The following SEZ6L variants were observed in gnomAD, a reference collection of about 807,000 sequenced individuals.
SEZ6L encodes the protein seizure related 6 homolog like, also known as seizure 6-like protein.
A neutral mutation model predicts 106.2 loss-of-function variants in SEZ6L; 37 were observed. The ratio of observed to expected loss-of-function variants is 0.35; its 90% CI spans 0.27 to 0.46. The LOEUF (loss-of-function observed/expected upper bound fraction) is 0.46, where lower values mean the gene tolerates loss of function less well. Ranked by LOEUF, SEZ6L falls within the 20% of genes least tolerant of loss-of-function variation. SEZ6L has a pLI of 1.00. For synonymous variants in SEZ6L, 541 were observed against 570.4 expected (o/e 0.95, Z 0.73); for missense variants, 1,172 against 1,332.8 (o/e 0.88, Z 1.88).
At chr22:26,224,487 T>C (rs1265444839) in intron 1 of SEZ6L, among the ~76,000 whole-genome samples, 3 of 152,132 alleles carry the variant, frequency 2.0e-5, no homozygotes, top group Non-Finnish European at 2.9e-5. Context: ...ACTCTATGTG[T>C]AATGGGAAGT....
At chr22:26,282,177 AC>A (rs1166606563) in intron 1 of SEZ6L, among the ~76,000 whole-genome samples, 2 of 152,128 alleles carry the variant, frequency 1.3e-5, no homozygotes, top group Non-Finnish European at 2.9e-5. Context: ...GCCGTGTTAC[AC>A]TCTATGTTAT....
chr22:26,255,509 T>C (rs749825630), intron 1 of SEZ6L, among the ~76,000 whole-genome samples: 8 of 152,214 alleles, frequency 5.3e-5, no homozygotes, highest in Non-Finnish European at 1.2e-4. Flanking sequence ...GTGAGGTTTG[T>C]GAGCCTGAAT....
At chr22:26,360,886 A>AAAAAAAAC (rs2083595431) in intron 12 of SEZ6L, among the ~76,000 whole-genome samples, 1 of 152,016 alleles carries the variant, frequency 6.6e-6, no homozygotes, top group Admixed American at 6.6e-5. Context: ...ACGGGCTGAA[A>AAAAAAAAC]AAAAAACAAA....
chr22:26,236,979 G>A (rs1194013605), intron 1 of SEZ6L, among the ~76,000 whole-genome samples: 1 of 151,960 alleles, frequency 6.6e-6, no homozygotes, highest in African/African-American at 2.4e-5. Context: ...TCTCTGCCTC[G>A]CTCTCAGTCT....
chr22:26,373,398 A>G, intron 13 of SEZ6L, 53 bp from the exon 14 acceptor site: 1 of 1,553,308 alleles, frequency 6.4e-7, no homozygotes, highest in Non-Finnish European at 8.7e-7. Context: ...CATTTCATGC[A>G]AACGAAGTGA....
At chr22:26,371,907 G>T (rs530906945) in intron 13 of SEZ6L, among the ~76,000 whole-genome samples, 10 of 152,286 alleles carry the variant, frequency 6.6e-5, no homozygotes, top group African/African-American at 2.4e-4. Flanking sequence ...AAGGAAATGA[G>T]AAATCACTTC....
intron 16 of SEZ6L, among the ~76,000 whole-genome samples, chr22:26,379,939 T>C (rs900095590): frequency 6.6e-6 from 1 of 152,224 alleles, no homozygotes; most frequent in Non-Finnish European, 1.5e-5. Flanking sequence ...AATCCTGGCA[T>C]TGGCTGGTTG....
intron 1 of SEZ6L, among the ~76,000 whole-genome samples, chr22:26,234,394 G>C (rs908645158): frequency 6.6e-6 from 1 of 152,268 alleles, no homozygotes; most frequent in Non-Finnish European, 1.5e-5. Context: ...CTGAAAGCCA[G>C]TGCATTCCCT....
intron 1 of SEZ6L, among the ~76,000 whole-genome samples, chr22:26,219,774 A>G (rs1036444776): frequency 1.3e-5 from 2 of 152,188 alleles, no homozygotes; most frequent in Admixed American, 6.5e-5. Context: ...CAGGGAAGGG[A>G]ACAACACACA....
chr22:26,377,670 C>T lies in SEZ6L; in HGVS notation c.2943-3C>T, dbSNP rs762667822. The T allele has an allele frequency of 3.7e-6, 6 of 1,609,390 alleles. No individual in the cohort carries two copies. The highest frequency in any genetic ancestry group is 5.1e-6 in the Non-Finnish European group (6 of 1,175,870). On this transcript the variant is annotated splice_region_variant and splice_polypyrimidine_tract_variant and intron_variant, in intron 15 of 16. Coordinates refer to ENST00000248933, the MANE Select transcript of SEZ6L (RefSeq NM_021115.5). ...TAACTTCTCTCTCCTTTCTTTCCCCCAGATGTCGCTACTATTCCAACCTCC... is the reference window on the plus strand; with the variant it reads ...TAACTTCTCTCTCCTTTCTTTCCCCTAGATGTCGCTACTATTCCAACCTCC...
At chr22:26,338,058 A>T (rs1009020634) in intron 9 of SEZ6L, among the ~76,000 whole-genome samples, 1 of 152,172 alleles carries the variant, frequency 6.6e-6, no homozygotes, top group Non-Finnish European at 1.5e-5. Context: ...TGGCCATTGG[A>T]TGAAGCTATC....
chr22:26,249,197 G>T (rs1487254222), intron 1 of SEZ6L, among the ~76,000 whole-genome samples: 1 of 152,044 alleles, frequency 6.6e-6, no homozygotes, highest in Non-Finnish European at 1.5e-5. Flanking sequence ...CACTCTTCTA[G>T]CTATTTGAAT....
At chr22:26,207,079 A>G (rs1030025875) in intron 1 of SEZ6L, among the ~76,000 whole-genome samples, 2 of 152,238 alleles carry the variant, frequency 1.3e-5, no homozygotes, top group East Asian at 1.9e-4. Flanking sequence ...AGGGGTTGGC[A>G]TATAGGGTCA....
chr22:26,266,368 G>A (rs1448262641), intron 1 of SEZ6L, among the ~76,000 whole-genome samples: 5 of 150,952 alleles, frequency 3.3e-5, no homozygotes, highest in African/African-American at 1.2e-4. Context: ...AGACCATCCT[G>A]GCTAACACAG....
intron 1 of SEZ6L, among the ~76,000 whole-genome samples, chr22:26,266,721 T>C (rs1298004469): frequency 6.6e-6 from 1 of 152,134 alleles, no homozygotes; most frequent in Non-Finnish European, 1.5e-5. Flanking sequence ...TTTATTCAAG[T>C]CTGACTTTCT....
intron 1 of SEZ6L, among the ~76,000 whole-genome samples, chr22:26,190,059 T>C (rs1044473802): frequency 3.3e-5 from 5 of 149,296 alleles, no homozygotes; most frequent in Non-Finnish European, 7.4e-5. Context: ...ATGGCGCCAC[T>C]GCACTCCAGC....
chr22:26,348,703 A>AAAGAAAGAAAGGAAGAAAGGAAGGAAGG (rs1207033331), intron 11 of SEZ6L, among the ~76,000 whole-genome samples: 1 of 41,478 alleles, frequency 2.4e-5, no homozygotes. Context: ...AGAAAGAAAG[A>AAAGAAAGAAAGGAAGAAAGGAAGGAAGG]AGGCAAGGGA....
At chr22:26,281,102 CT>C (rs2080746854) in intron 1 of SEZ6L, among the ~76,000 whole-genome samples, 2 of 152,158 alleles carry the variant, frequency 1.3e-5, no homozygotes, top group Non-Finnish European at 2.9e-5. Flanking sequence ...CTCAAAAAGG[CT>C]GTTGGATAAG....
chr22:26,169,681 C>T lies in SEZ6L; in HGVS notation c.12C>T (p.Ala4=). The part of the protein sequence containing the change: MPA[A]RPPAAGLRGI... ...CCCCTGCAGCCACGATGCCCGCGGC[C>T]CGGCCGCCCGCCGCGGGACTCCGCG... The change falls in exon 1 of 17, where the codon GCC becomes GCT. Residue 4 remains alanine, a synonymous_variant. Coordinates refer to ENST00000248933, the MANE Select transcript of SEZ6L (RefSeq NM_021115.5). 1.5e-6 allele frequency: 2 copies of T among 1,313,660 alleles called. No individual in the cohort carries two copies. The highest frequency in any genetic ancestry group is 1.9e-6 in the Non-Finnish European group (2 of 1,029,446). 81.4% of individuals were successfully genotyped at this position (1,313,660 alleles called of 1,614,324 possible).
Sources: allele counts gnomAD v4.1 joint callset (sites outside exome capture counted in the v4.1 genomes callset), GRCh38; gene constraint gnomAD v4.1.1; transcripts MANE v1.5; gene names NCBI Gene and HGNC (gene_info 2026-07-23, HGNC 2026-07-21).